The following CIT variants were observed in gnomAD, a reference collection of about 807,000 sequenced individuals.
The protein encoded by CIT is citron rho-interacting serine/threonine kinase.
In CIT, 79 loss-of-function variants were observed where a neutral mutation model predicts 272.7. The ratio of observed to expected loss-of-function variants is 0.29; its 90% CI spans 0.24 to 0.35. The LOEUF is 0.35. CIT is among the 10% of genes least tolerant of loss of function. The pLI is 1.00. For missense variants in CIT, 1,909 were observed against 2,618.3 expected (o/e 0.73, Z 5.91); for synonymous variants, 948 against 995.6 (o/e 0.95, Z 0.90).
At chr12:119,719,590 G>T (rs554106283) in intron 30 of CIT, among the ~76,000 whole-genome samples, 2 of 152,116 alleles carry the variant, frequency 1.3e-5, no homozygotes, top group Admixed American at 6.6e-5. Context: ...AGTGGGAGGC[G>T]GCCTCTGAAT....
At chr12:119,847,361 A>G (rs977671247) in intron 5 of CIT, among the ~76,000 whole-genome samples, 5 of 152,192 alleles carry the variant, frequency 3.3e-5, no homozygotes, top group Non-Finnish European at 7.4e-5. Context: ...TGGGAGGCCA[A>G]GACGGGTGGA....
At chr12:119,825,716 G>A (rs1968109644) in intron 7 of CIT, among the ~76,000 whole-genome samples, 2 of 152,124 alleles carry the variant, frequency 1.3e-5, no homozygotes, top group Admixed American at 1.3e-4. Context: ...TATGATAACA[G>A]CAAAATGATA....
chr12:119,866,578 G>A (rs868095857), intron 3 of CIT, among the ~76,000 whole-genome samples: 1 of 152,158 alleles, frequency 6.6e-6, no homozygotes, highest in African/African-American at 2.4e-5. Flanking sequence ...AAGCATTTTG[G>A]GAGGCCAAGG....
chr12:119,743,355 A>G (rs894627740), intron 23 of CIT, among the ~76,000 whole-genome samples: 2 of 152,184 alleles, frequency 1.3e-5, no homozygotes, highest in Non-Finnish European at 2.9e-5. Context: ...CAGCCATGCA[A>G]TGGACAGGAG....
intron 32 of CIT, among the ~76,000 whole-genome samples, chr12:119,717,838 C>CCTTTTTTTTTTTT (rs1957598855): frequency 3.7e-5 from 3 of 81,332 alleles, no homozygotes; most frequent in African/African-American, 5.0e-5. Context: ...TGACTTCTTT[C>CCTTTTTTTTTTTT]TTTTTTTTTT....
chr12:119,727,043 T>C (rs1355480726), intron 28 of CIT, among the ~76,000 whole-genome samples: 1 of 152,212 alleles, frequency 6.6e-6, no homozygotes, highest in Non-Finnish European at 1.5e-5. Flanking sequence ...TGCATGGATG[T>C]CCTATCGGCA....
chr12:119,809,095 G>A, intron 9 of CIT, among the ~76,000 whole-genome samples: 1 of 152,164 alleles, frequency 6.6e-6, no homozygotes, highest in East Asian at 1.9e-4. Context: ...ATCTTCATGG[G>A]CTGGAGTGGG....
In CIT at chr12:119,758,677, C is replaced by A; in HGVS notation, c.2445G>T (p.Lys815Asn). The A allele has an allele frequency of 6.2e-7, 1 of 1,613,486 alleles. No individual in the cohort carries two copies. The highest frequency in any genetic ancestry group is 1.1e-5 in the South Asian group (1 of 91,062). The stretch of plus-strand genomic sequence containing the variant: ...CAATCCTCTGTTCCAGGGATCTGAT[C>A]TTGGAATCCATAGCATTGATCATCT... The part of the protein sequence containing the change: ...QKAMINAMDS[K>N]IRSLEQRIVE... The change falls in exon 21 of 48, where the codon AAG becomes AAT. Residue 815 changes from lysine (K) to asparagine (N), a missense_variant. Around this residue, in one of 8 missense-constraint regions of CIT, gnomAD observed 530 missense variants for 822.4 expected, o/e 0.64. Coordinates refer to ENST00000392521, the MANE Select transcript of CIT (RefSeq NM_001206999.2).
rs888970669 is a variant in CIT at position 119,695,852 on chromosome 12, T to A, written c.5882+1807A>T. The stretch of plus-strand genomic sequence containing the variant: ...ACATCCTGTTGTACACTTTAAATCA[T>A]CTCTAGATTACTTATAACACCTAAT... On this transcript the variant is annotated intron_variant, in intron 46 of 47. Coordinates refer to ENST00000392521, the MANE Select transcript of CIT (RefSeq NM_001206999.2). Among the ~76,000 whole-genome samples the A allele has an allele frequency of 2.6e-5, 4 of 152,252 alleles. No individual in the cohort carries two copies. The East Asian group carries it at 5.8e-4, about 22-fold the overall frequency.
intron 46 of CIT, among the ~76,000 whole-genome samples, chr12:119,693,296 C>A (rs1013016785): frequency 2.0e-5 from 3 of 152,208 alleles, no homozygotes; most frequent in Non-Finnish European, 4.4e-5. Flanking sequence ...ACGAAGCCTG[C>A]AGTGAATCAG....
chr12:119,702,937 T>C (rs1956674414), intron 41 of CIT, among the ~76,000 whole-genome samples: 1 of 152,218 alleles, frequency 6.6e-6, no homozygotes, highest in Non-Finnish European at 1.5e-5. Flanking sequence ...TGCTTCCTGA[T>C]TATTTTTAGT....
At chr12:119,875,069 G>A (rs1950802922) in intron 2 of CIT, among the ~76,000 whole-genome samples, 1 of 152,208 alleles carries the variant, frequency 6.6e-6, no homozygotes, top group African/African-American at 2.4e-5. Context: ...TGCAGAAGCT[G>A]TGACAAGTAG....
Position 119,713,219 on chromosome 12 carries a change from G to A in CIT, c.4563C>T (p.Asp1521=), listed in dbSNP as rs1178157230. The part of the protein sequence containing the change: ...VLEGSKVLIY[D]NEAREAGQRP... The stretch of plus-strand genomic sequence containing the variant: ...TTAATTTACCTTCTCTGGCTTCATT[G>A]TCATAAATGAGGACTTTTGATCCCT... The change falls in exon 35 of 48, where the codon GAC becomes GAT. Residue 1521 remains aspartate, a synonymous_variant. Transcript: ENST00000392521. The surrounding 1 kb of genome is among the most constrained non-coding windows in gnomAD (Gnocchi z 5.2). 1 of 1,613,636 alleles carries A rather than the reference G, an allele frequency of 6.2e-7. No individual in the cohort carries two copies.
In CIT at chr12:119,784,841, G is replaced by A. The variant is rs1394305021; in HGVS notation, c.1401+119C>T. On this transcript the variant is annotated intron_variant, in intron 11 of 47. Coordinates refer to ENST00000392521, the MANE Select transcript of CIT (RefSeq NM_001206999.2). This position sits in a 1 kb window ranked among gnomAD's most constrained non-coding sequence, Gnocchi z 4.7. Reference sequence around the variant, plus strand: ...GCGCGACTTCAGCGAAGGCAGGAGCGCCTCACTCTCTACGGATCAGGCGGC... The same window carrying A: ...GCGCGACTTCAGCGAAGGCAGGAGCACCTCACTCTCTACGGATCAGGCGGC... The A allele has an allele frequency of 1.1e-5, 16 of 1,469,140 alleles. No homozygotes were observed. The highest frequency in any genetic ancestry group is 1.0e-4 in the Admixed American group (4 of 38,132). 91.0% of individuals were successfully genotyped at this position (1,469,140 alleles called of 1,614,324 possible). A position where few individuals can be genotyped will look rare whatever the true frequency, so the allele number is the denominator to read the frequency against.
At chr12:119,757,303 G>A (rs1252841300) in intron 22 of CIT, 68 bp downstream of exon 22, 6 of 1,578,774 alleles carry the variant, frequency 3.8e-6, no homozygotes, top group East Asian at 2.2e-5. Context: ...ATTTGTGCTC[G>A]AAAGCTGACT....
At chr12:119,688,498 A>G (rs532429942) in intron 47 of CIT, among the ~76,000 whole-genome samples, 5 of 152,390 alleles carry the variant, frequency 3.3e-5, no homozygotes, top group Non-Finnish European at 7.3e-5. Flanking sequence ...ACACATGCAC[A>G]TACACAGTTT....
intron 7 of CIT, among the ~76,000 whole-genome samples, chr12:119,831,856 C>T (rs1200666560): frequency 2.2e-4 from 34 of 151,866 alleles, no homozygotes; most frequent in Non-Finnish European, 2.9e-5. Context: ...GGGGACAGAG[C>T]GAGACTCCGT....
chr12:119,823,127 G>A (rs374275610), intron 8 of CIT, among the ~76,000 whole-genome samples, 154 bp from the exon 9 acceptor site: 3 of 152,020 alleles, frequency 2.0e-5, no homozygotes, highest in East Asian at 1.9e-4. Context: ...GACCAAAGGC[G>A]TGTTCCCAAA....
intron 44 of CIT, among the ~76,000 whole-genome samples, chr12:119,700,301 A>G (rs1412432034): frequency 6.6e-6 from 1 of 152,220 alleles, no homozygotes; most frequent in East Asian, 1.9e-4. Flanking sequence ...TGACTGTTAC[A>G]CATGGCACTT....
Sources: gnomAD v4.1 joint callset for allele counts (sites outside exome capture counted in the v4.1 genomes callset) on GRCh38, gnomAD v4.1.1 for gene constraint, gnomAD v4.1.1 regional missense constraint, Gnocchi (gnomAD v3.1) non-coding constraint, MANE v1.5 for transcripts, NCBI Gene and HGNC (gene_info 2026-07-23, HGNC 2026-07-21) for gene names.